Variants in ANKS1B observed in about 807,000 individuals in gnomAD.
The protein encoded by ANKS1B is ankyrin repeat and sterile alpha motif domain-containing protein 1B.
ANKS1B carries 36 observed loss-of-function variants against 148.3 expected under a neutral mutation model. The observed-to-expected ratio is 0.24, with a 90% CI of 0.19 to 0.32. The LOEUF is 0.32. ANKS1B is among the 10% of genes least tolerant of loss of function. The pLI, the probability that ANKS1B is intolerant of heterozygous loss-of-function variation, is 1.00. For synonymous variants in ANKS1B, 542 were observed against 560.8 expected (o/e 0.97, Z 0.47); for missense variants, 1,157 against 1,542.6 (o/e 0.75, Z 4.19).
rs117849599 is a variant in ANKS1B, at chr12:98,866,404, G to A, written c.2779-34268C>T. Among the ~76,000 whole-genome samples, 1,403 of 152,144 alleles carry A rather than the reference G, an allele frequency of 9.2e-3. 11 individuals are homozygous for A. The highest frequency in any genetic ancestry group is 0.014 in the Middle Eastern group (4 of 294). ...TGCATGCCCACCTACTTCCCACACC[G>A]AGCTAGAATGACCTTTCAAAAACAC... is the stretch of plus-strand genomic sequence containing the variant. On this transcript the variant is annotated intron_variant, in intron 17 of 26. Coordinates refer to ENST00000683438, the MANE Select transcript of ANKS1B (RefSeq NM_001352186.2).
intron 17 of ANKS1B, among the ~76,000 whole-genome samples, chr12:99,010,576 G>T (rs771221460): frequency 2.6e-5 from 4 of 152,062 alleles, no homozygotes; most frequent in African/African-American, 7.2e-5. Context: ...CTATTTTGCA[G>T]GTGAGAAAAC....
At chr12:99,053,475 CAT>C (rs2099967555) in intron 16 of ANKS1B, among the ~76,000 whole-genome samples, 166 bp from the exon 17 acceptor site, 1 of 152,146 alleles carries the variant, frequency 6.6e-6, no homozygotes, top group South Asian at 2.1e-4. Flanking sequence ...AATTCTAAAA[CAT>C]TAATAATTTT....
chr12:99,237,592 G>A (rs187233314), intron 14 of ANKS1B, among the ~76,000 whole-genome samples: 2 of 152,284 alleles, frequency 1.3e-5, no homozygotes, highest in Non-Finnish European at 2.9e-5. Flanking sequence ...GATACATAAA[G>A]ATGATTAACA....
intron 9 of ANKS1B, among the ~76,000 whole-genome samples, chr12:99,633,813 G>A (rs1219003719): frequency 6.6e-6 from 1 of 152,270 alleles, no homozygotes; most frequent in East Asian, 1.9e-4. Flanking sequence ...CCATCAACAA[G>A]TGGGCGAAGG....
intron 19 of ANKS1B, among the ~76,000 whole-genome samples, chr12:98,816,345 G>A (rs1474875395): frequency 6.6e-6 from 1 of 152,026 alleles, no homozygotes; most frequent in East Asian, 1.9e-4. Context: ...ACCCAGGAGG[G>A]AGTGCAATGG....
intron 14 of ANKS1B, among the ~76,000 whole-genome samples, chr12:99,212,423 C>A (rs185838236): frequency 6.6e-6 from 1 of 152,154 alleles, no homozygotes; most frequent in African/African-American, 2.4e-5. Context: ...GCTGACTTTC[C>A]CCCTATGCAA....
At chr12:99,805,262 G>GAAAAAA (rs1567880890) in intron 4 of ANKS1B, among the ~76,000 whole-genome samples, 1 of 8,308 alleles carries the variant, frequency 1.2e-4, no homozygotes. Context: ...GGAGGAAAAG[G>GAAAAAA]CAAAAAAAAA....
intron 3 of ANKS1B, among the ~76,000 whole-genome samples, chr12:99,808,604 T>G (rs1825095591): frequency 6.6e-6 from 1 of 152,130 alleles, no homozygotes; most frequent in Admixed American, 6.6e-5. Flanking sequence ...ACATACAGGT[T>G]TAGACTCCCT....
At chr12:98,994,567 C>T (rs957295833) in intron 17 of ANKS1B, among the ~76,000 whole-genome samples, 3 of 152,120 alleles carry the variant, frequency 2.0e-5, no homozygotes, top group Non-Finnish European at 4.4e-5. Context: ...TGCAGTGAGC[C>T]AAGATCGTAC....
intron 15 of ANKS1B, among the ~76,000 whole-genome samples, chr12:99,094,525 A>C (rs913772787): frequency 2.6e-5 from 4 of 152,232 alleles, no homozygotes; most frequent in Non-Finnish European, 4.4e-5. Flanking sequence ...TCTATGTTAG[A>C]AAGACTGGTG....
At chr12:99,701,204 C>T (rs375508374) in intron 8 of ANKS1B, among the ~76,000 whole-genome samples, 1 of 152,118 alleles carries the variant, frequency 6.6e-6, no homozygotes, top group South Asian at 2.1e-4. Flanking sequence ...CCAGTTGAGA[C>T]ACTTTGGGGT....
chr12:98,772,113 A>C (rs894852658), intron 25 of ANKS1B, among the ~76,000 whole-genome samples: 1 of 152,202 alleles, frequency 6.6e-6, no homozygotes, highest in Non-Finnish European at 1.5e-5. Context: ...ATATCGAAAA[A>C]TCTCCAAACA....
At chr12:99,669,140 T>C (rs1268888055) in intron 8 of ANKS1B, among the ~76,000 whole-genome samples, 1 of 152,168 alleles carries the variant, frequency 6.6e-6, no homozygotes, top group Non-Finnish European at 1.5e-5. Context: ...ATTTTTTGCA[T>C]GTTCATGACT....
At chr12:99,202,667 T>C (rs1355787516) in intron 14 of ANKS1B, among the ~76,000 whole-genome samples, 1 of 152,234 alleles carries the variant, frequency 6.6e-6, no homozygotes, top group Admixed American at 6.5e-5. Flanking sequence ...AGTATTGATA[T>C]AACATTTTTA....
intron 12 of ANKS1B, among the ~76,000 whole-genome samples, chr12:99,313,781 G>A (rs886278659): frequency 6.6e-6 from 1 of 152,080 alleles, no homozygotes; most frequent in African/African-American, 2.4e-5. Context: ...AATAATAAGA[G>A]CTATTTATGA....
chr12:99,327,017 T>C (rs1602980116), intron 12 of ANKS1B, among the ~76,000 whole-genome samples: 1 of 135,078 alleles, frequency 7.4e-6, no homozygotes, highest in East Asian at 2.0e-4. Flanking sequence ...TTATATATTA[T>C]ATTATAATAA....
At chr12:99,457,323 A>G (rs1436452897) in intron 10 of ANKS1B, among the ~76,000 whole-genome samples, 1 of 152,128 alleles carries the variant, frequency 6.6e-6, no homozygotes, top group Non-Finnish European at 1.5e-5. Context: ...GAATCTCCTT[A>G]AAGCACAAAT....
At chr12:98,909,855 A>G (rs1213605362) in intron 17 of ANKS1B, among the ~76,000 whole-genome samples, 1 of 152,256 alleles carries the variant, frequency 6.6e-6, no homozygotes, top group African/African-American at 2.4e-5. Context: ...AAAGGAGCAC[A>G]TGAATAATTG....
intron 9 of ANKS1B, among the ~76,000 whole-genome samples, chr12:99,618,959 C>T (rs1057132631): frequency 6.6e-6 from 1 of 152,144 alleles, no homozygotes; most frequent in Non-Finnish European, 1.5e-5. Context: ...TTGTACTCTA[C>T]CCTGTCACAA....
Sources: allele counts gnomAD v4.1 joint callset (sites outside exome capture counted in the v4.1 genomes callset), GRCh38; gene constraint gnomAD v4.1.1; transcripts MANE v1.5; gene names NCBI Gene and HGNC (gene_info 2026-07-23, HGNC 2026-07-21).